The following SMARCA5 variants were observed in gnomAD, a reference collection of about 807,000 sequenced individuals.
SMARCA5 encodes SNF2 related chromatin remodeling ATPase 5, also known as SWI/SNF-related matrix-associated actin-dependent regulator of chromatin subfamily A member 5.
In SMARCA5, 18 loss-of-function variants were observed where a neutral mutation model predicts 140.4. The observed-to-expected ratio is 0.13, with a 90% CI of 0.09 to 0.19. The LOEUF is 0.19. SMARCA5 is among the 10% of genes least tolerant of loss of function. SMARCA5 has a pLI of 1.00. For synonymous variants in SMARCA5, 449 were observed against 419.6 expected (o/e 1.07, Z -0.86); for missense variants, 606 against 1,276.8 (o/e 0.47, Z 8.01).
chr4:143,546,745 G>A, intron 19 of SMARCA5, 31 bp from the exon 20 acceptor site: 2 of 1,593,512 alleles, frequency 1.3e-6, no homozygotes, highest in Non-Finnish European at 1.7e-6. Context: ...AATGTGCTGT[G>A]ATTAAATATT....
intron 9 of SMARCA5, among the ~76,000 whole-genome samples, chr4:143,532,490 G>T (rs1017323306): frequency 2.0e-5 from 3 of 152,148 alleles, no homozygotes; most frequent in African/African-American, 7.2e-5. Context: ...TGCTTATGAA[G>T]TCAGGGAGAA....
At chr4:143,532,540 A>G (rs1199030199) in intron 9 of SMARCA5, among the ~76,000 whole-genome samples, 1 of 152,192 alleles carries the variant, frequency 6.6e-6, no homozygotes, top group Non-Finnish European at 1.5e-5. Flanking sequence ...CCTGCTCTTT[A>G]CTTTGAAGTT....
intron 1 of SMARCA5, among the ~76,000 whole-genome samples, chr4:143,514,900 G>A (rs886541984): frequency 6.6e-6 from 1 of 152,080 alleles, no homozygotes; most frequent in African/African-American, 2.4e-5. Flanking sequence ...ACTCGCTGCC[G>A]AGACTTATGG....
intron 7 of SMARCA5, among the ~76,000 whole-genome samples, chr4:143,528,267 A>G (rs1483605343): frequency 1.3e-5 from 2 of 152,064 alleles, no homozygotes; most frequent in Non-Finnish European, 2.9e-5. Flanking sequence ...AGGTCCTGGC[A>G]TGTGGTGTTC....
intron 1 of SMARCA5, among the ~76,000 whole-genome samples, chr4:143,516,205 ATTTTTTT>A (rs60061501): frequency 1.6e-5 from 2 of 124,410 alleles, no homozygotes; most frequent in Admixed American, 7.9e-5. Context: ...GCATTCATGA[ATTTTTTT>A]TTTTTTTTTT....
Position 143,547,429 on chromosome 4 carries a change from A to T in SMARCA5, c.2698A>T (p.Ile900Phe). The change falls in exon 21 of 24, where the codon ATT (isoleucine) becomes TTT (phenylalanine). Residue 900 changes from isoleucine (I) to phenylalanine (F), a missense_variant. This residue lies in a region of SMARCA5 where 121 missense variants were observed against 227.1 expected (regional missense o/e 0.53). Transcript: ENST00000283131. ...RCNELQDIEK[I>F]MAQIERGEAR... Reference sequence around the variant, plus strand: ...CAACGAGCTCCAGGACATAGAGAAGATTATGGCTCAGATTGAAAGGGGAGA... The same window carrying T: ...CAACGAGCTCCAGGACATAGAGAAGTTTATGGCTCAGATTGAAAGGGGAGA... 6.2e-7 allele frequency: 1 copy of T among 1,611,016 alleles called. No homozygotes were observed. Among genetic ancestry groups the T allele is most frequent in the Non-Finnish European group, 8.5e-7 (1 of 1,177,548 alleles).
rs1244384514 is a variant in SMARCA5 at position 143,547,498 on chromosome 4, A to T, written c.2767A>T (p.Thr923Ser). 2 of 1,545,484 alleles carry T rather than the reference A, an allele frequency of 1.3e-6. No homozygotes were observed. Among genetic ancestry groups the T allele is most frequent in the East Asian group, 4.5e-5 (2 of 44,480 alleles). ...AATAAGCATCAAGAAAGCACTTGAC[A>T]CAAAGGTAATTTGCTTGTTAATAAG... ...RRISIKKALDTKIGRYKAPFH... is the reference protein window; with the variant it reads ...RRISIKKALDSKIGRYKAPFH... The change falls in exon 21 of 24, where the codon ACA becomes TCA. Residue 923 changes from threonine (T) to serine (S), a missense_variant. By Grantham distance (58) the Thr-to-Ser change is moderately conservative (BLOSUM62 1). Around this residue, in one of 10 missense-constraint regions of SMARCA5, gnomAD observed 121 missense variants for 227.1 expected, o/e 0.53. Coordinates refer to ENST00000283131, the MANE Select transcript of SMARCA5 (RefSeq NM_003601.4).
At chr4:143,551,571 T>A (rs1010093376) in intron 23 of SMARCA5, among the ~76,000 whole-genome samples, 9 of 152,116 alleles carry the variant, frequency 5.9e-5, no homozygotes, top group Non-Finnish European at 1.3e-4. Flanking sequence ...TTGATTTTTT[T>A]ATATAGTTAG....
At chr4:143,519,100 A>T (rs1736903494) in intron 2 of SMARCA5, among the ~76,000 whole-genome samples, 2 of 152,084 alleles carry the variant, frequency 1.3e-5, no homozygotes, top group Non-Finnish European at 2.9e-5. Context: ...TGGTATCTTT[A>T]AACTGAATAT....
chr4:143,545,730 A>G (rs1578804534), intron 18 of SMARCA5, 147 bp downstream of exon 18: 1 of 802,296 alleles, frequency 1.2e-6, no homozygotes, highest in African/African-American at 1.7e-5. Flanking sequence ...AAATACATAA[A>G]CTTGGGTCTG....
intron 8 of SMARCA5, 95 bp downstream of exon 8, chr4:143,528,809 G>C (rs972052398): frequency 6.6e-6 from 7 of 1,059,884 alleles, no homozygotes; most frequent in Non-Finnish European, 6.7e-6. Context: ...AGCATGGCTT[G>C]AGGTTATTAT....
At chr4:143,535,419 A>C (rs1214734329) in intron 10 of SMARCA5, among the ~76,000 whole-genome samples, 1 of 152,180 alleles carries the variant, frequency 6.6e-6, no homozygotes, top group Non-Finnish European at 1.5e-5. Flanking sequence ...TACTGGTCTC[A>C]TCATATTTCA....
rs763648422 is a variant in SMARCA5 at position 143,517,410 on chromosome 4, C to A, written c.233C>A (p.Pro78His). 3 of 1,609,004 alleles carry A rather than the reference C, an allele frequency of 1.9e-6. No homozygotes were observed. In the African/African-American group the frequency reaches 4.0e-5, roughly 22 times the overall value. ...CAAAAGGAAATCCAAGAACCAGATC[C>A]TACCTATGAAGAAAAAATGGTATGT... Reference protein sequence around the residue: ...GKQKEIQEPDPTYEEKMQTDR... With the variant: ...GKQKEIQEPDHTYEEKMQTDR... The change falls in exon 2 of 24, where the codon CCT (proline) becomes CAT (histidine). Residue 78 changes from proline (P) to histidine (H), a missense_variant. Physicochemically the swap from Pro to His is moderately conservative, Grantham distance 77 (BLOSUM62 -2). Around this residue, in one of 10 missense-constraint regions of SMARCA5, gnomAD observed 164 missense variants for 128.4 expected, o/e 1.28. Transcript: ENST00000283131.
In SMARCA5 at chr4:143,555,882, A is replaced by G. The variant is rs991055741; in HGVS notation, c.*2698A>G. 6 of 153,546 alleles carry G rather than the reference A, an allele frequency of 3.9e-5. No homozygotes were observed. The highest frequency in any genetic ancestry group is 1.2e-4 in the African/African-American group (5 of 41,446). 9.5% of individuals were successfully genotyped at this position (153,546 alleles called of 1,614,324 possible). On this transcript the variant is annotated 3_prime_UTR_variant, in exon 24 of 24. Transcript: ENST00000283131. The stretch of plus-strand genomic sequence containing the variant: ...CGGTCTCAAACGCCGACTTCAGGCA[A>G]TCCTCTTGCGTCAACCTCTCAAAGT...
At chr4:143,540,116 AAAG>A (rs769147724) in intron 13 of SMARCA5, among the ~76,000 whole-genome samples, 17 of 152,168 alleles carry the variant, frequency 1.1e-4, no homozygotes, top group Non-Finnish European at 2.1e-4. Context: ...ACCTAGGAAA[AAAG>A]ACTTAAAATC....
At position 143,527,854 on chromosome 4, in the gene SMARCA5, C is replaced by T. The variant is rs1208101777; in HGVS notation, c.802-14C>T. 1.3e-6 allele frequency: 2 copies of T among 1,578,294 alleles called. No homozygotes were observed. Among genetic ancestry groups the T allele is most frequent in the South Asian group, 1.2e-5 (1 of 83,902 alleles). ...TATTTCTACGTGATGTAATTTTTTT[C>T]TCTTGTTACACAGGCTGCTTTTGTC... On this transcript the variant is annotated splice_polypyrimidine_tract_variant and intron_variant, in intron 6 of 23. Coordinates refer to ENST00000283131, the MANE Select transcript of SMARCA5 (RefSeq NM_003601.4).
In SMARCA5 at chr4:143,553,776, G is replaced by A. The variant is rs1362369949; in HGVS notation, c.*592G>A. ...TGTTTTTTTTAGTTGATTCTGAAAT[G>A]AATATGCCCTATTCTTTTGAAAGAA... On this transcript the variant is annotated 3_prime_UTR_variant, in exon 24 of 24. Coordinates refer to ENST00000283131, the MANE Select transcript of SMARCA5 (RefSeq NM_003601.4). 1 of 152,036 alleles carries A rather than the reference G, an allele frequency of 6.6e-6. No homozygotes were observed. The highest frequency in any genetic ancestry group is 2.4e-5 in the African/African-American group (1 of 41,410). 9.4% of individuals were successfully genotyped at this position (152,036 alleles called of 1,614,324 possible).
rs978289328 is a variant in SMARCA5 at position 143,556,473 on chromosome 4, T to A, written c.*3289T>A. ...ATATTTCAAACCAGTAGTTTTGGAG[T>A]AGAACATTGCTAAAAAAATGGGTAC... On this transcript the variant is annotated 3_prime_UTR_variant, in exon 24 of 24. Transcript: ENST00000283131. 1.3e-5 allele frequency: 2 copies of A among 152,118 alleles called. No individual in the cohort carries two copies. The highest frequency in any genetic ancestry group is 4.8e-5 in the African/African-American group (2 of 41,428). The allele number at this position is 152,118 out of a possible 1,614,324, so 9.4% of individuals were successfully genotyped here. A position where few individuals can be genotyped will look rare whatever the true frequency, so the allele number is the denominator to read the frequency against.
intron 20 of SMARCA5, among the ~76,000 whole-genome samples, 164 bp downstream of exon 20, chr4:143,547,072 G>GT (rs1435897688): frequency 6.6e-6 from 1 of 152,092 alleles, no homozygotes; most frequent in Non-Finnish European, 1.5e-5. Flanking sequence ...CAGAAATGGC[G>GT]TAATGGTTTC....
Sources: allele counts gnomAD v4.1 joint callset (sites outside exome capture counted in the v4.1 genomes callset), GRCh38; gene constraint gnomAD v4.1.1; regional missense constraint gnomAD v4.1.1; transcripts MANE v1.5; gene names NCBI Gene and HGNC (gene_info 2026-07-23, HGNC 2026-07-21).